SLC41A3: variants seen among roughly 807,000 people sequenced by gnomAD.
The protein encoded by SLC41A3 is solute carrier family 41 member 3, also known as SLC41A1-like 2.
A neutral mutation model predicts 45.4 loss-of-function variants in SLC41A3; 44 were observed. The ratio of observed to expected loss-of-function variants is 0.97; its 90% CI spans 0.76 to 1.25. The LOEUF (loss-of-function observed/expected upper bound fraction) is 1.25. Ranked by LOEUF, SLC41A3 falls within the 50% of genes most tolerant of loss-of-function variation. The pLI, the probability that SLC41A3 is intolerant of heterozygous loss-of-function variation, is 0.00. For synonymous variants in SLC41A3, 256 were observed against 252.4 expected, an observed-to-expected ratio of 1.01 and a Z score of -0.13; for missense variants, 550 against 600.6, an observed-to-expected ratio of 0.92 and a Z score of 0.88.
At chr3:126,047,603 T>C (rs952304092) in intron 3 of SLC41A3, among the ~76,000 whole-genome samples, 1 of 152,086 alleles carries the variant, frequency 6.6e-6, no homozygotes, top group African/African-American at 2.4e-5. Flanking sequence ...CCCTTAAATA[T>C]ATGGTCAAAT....
intron 3 of SLC41A3, among the ~76,000 whole-genome samples, chr3:126,044,316 A>G (rs984112540): frequency 2.0e-5 from 3 of 152,248 alleles, no homozygotes; most frequent in Non-Finnish European, 2.9e-5. Flanking sequence ...TGATGCAAAC[A>G]CTGACAGAAC....
chr3:126,042,759 T>C (rs942711181), intron 3 of SLC41A3, among the ~76,000 whole-genome samples: 2 of 152,058 alleles, frequency 1.3e-5, no homozygotes, highest in Admixed American at 6.6e-5. Context: ...AATAATTGAA[T>C]TGAAAAATTC....
chr3:126,029,366 T>TC (rs148425749), intron 4 of SLC41A3, among the ~76,000 whole-genome samples: 36,970 of 149,524 alleles, frequency 0.25, 4,684 homozygotes, highest in African/African-American at 0.31. Flanking sequence ...TATGTGGCAC[T>TC]CCCTCCCCCA....
intron 3 of SLC41A3, among the ~76,000 whole-genome samples, chr3:126,047,030 A>G (rs1176014678): frequency 1.3e-5 from 2 of 151,988 alleles, no homozygotes; most frequent in Non-Finnish European, 2.9e-5. Context: ...AATTTAATAC[A>G]ATCTCATCAA....
At chr3:126,037,188 C>T (rs1008067) in intron 3 of SLC41A3, among the ~76,000 whole-genome samples, 34,804 of 152,028 alleles carry the variant, frequency 0.23, 4,263 homozygotes, top group Non-Finnish European at 0.27. Context: ...GCACCTCCTT[C>T]CCTTCTCCTG....
chr3:126,049,103 T>C (rs1006548506), intron 3 of SLC41A3, among the ~76,000 whole-genome samples: 1 of 151,512 alleles, frequency 6.6e-6, no homozygotes, highest in Non-Finnish European at 1.5e-5. Context: ...GTTCAAGAAT[T>C]ACATTAATAG....
intron 5 of SLC41A3, chr3:126,025,759 C>T (rs1941286678): frequency 2.0e-5 from 3 of 152,956 alleles, no homozygotes; most frequent in Non-Finnish European, 2.9e-5. Context: ...CGCCCAACCT[C>T]GGGCTCCAGC....
Position 126,015,522 on chromosome 3 carries a change from G to A in SLC41A3, c.942C>T (p.Gly314=). ...ATATGACGGGGGTAAATATCGCCAT[G>A]CCTTTGTACTGCTGTTTAGAAACGG... The part of the protein sequence containing the change: ...SKTVSKQQYK[G]MAIFTPVICG... The change falls in exon 8 of 11, where the codon GGC becomes GGT. Residue 314 remains glycine, a synonymous_variant. Coordinates refer to ENST00000360370, the MANE Select transcript of SLC41A3 (RefSeq NM_017836.4). The A allele has an allele frequency of 6.2e-7, 1 of 1,614,204 alleles. No homozygotes were observed. The highest frequency in any genetic ancestry group is 8.5e-7 in the Non-Finnish European group (1 of 1,180,032).
At chr3:126,087,681 T>C (rs1469288445), upstream of SLC41A3, among the ~76,000 whole-genome samples, 1 of 151,946 alleles carries the variant, frequency 6.6e-6, no homozygotes, top group African/African-American at 2.4e-5. Flanking sequence ...ATTTTTGTCC[T>C]AAAATAAAAT....
intron 1 of SLC41A3, among the ~76,000 whole-genome samples, chr3:126,076,498 T>C (rs891549092): frequency 6.6e-6 from 1 of 152,224 alleles, no homozygotes; most frequent in Non-Finnish European, 1.5e-5. Flanking sequence ...TGAATATAAG[T>C]TTTCTGTTCT....
intron 8 of SLC41A3, among the ~76,000 whole-genome samples, chr3:126,013,596 G>A (rs1939949109): frequency 6.6e-6 from 1 of 151,792 alleles, no homozygotes; most frequent in South Asian, 2.1e-4. Context: ...GAAGGTGAGG[G>A]GAGGACAGAG....
chr3:126,012,488 G>T (rs1040494249), intron 9 of SLC41A3, 127 bp downstream of exon 9: 5 of 1,244,420 alleles, frequency 4.0e-6, no homozygotes, highest in Non-Finnish European at 5.7e-6. Context: ...GGGCCCTGAA[G>T]GTGATGTGTG....
upstream of SLC41A3, among the ~76,000 whole-genome samples, chr3:126,089,017 T>C (rs1386380557): frequency 6.6e-6 from 1 of 152,156 alleles, no homozygotes; most frequent in Non-Finnish European, 1.5e-5. Flanking sequence ...ACTGCCCAGC[T>C]CTCTGTATAA....
At chr3:126,020,686 T>C (rs1940768530) in intron 6 of SLC41A3, among the ~76,000 whole-genome samples, 1 of 152,184 alleles carries the variant, frequency 6.6e-6, no homozygotes, top group African/African-American at 2.4e-5. Flanking sequence ...CCAGCATTAA[T>C]ATCAATGCAG....
At chr3:126,068,356 A>G (rs1944458713) in intron 1 of SLC41A3, 110 bp from the exon 2 acceptor site, 4 of 1,006,210 alleles carry the variant, frequency 4.0e-6, no homozygotes, top group South Asian at 2.7e-5. Flanking sequence ...GTCCCATCCA[A>G]CCCACAGCCC....
At chr3:126,034,397 A>T (rs941229149) in intron 3 of SLC41A3, among the ~76,000 whole-genome samples, 2 of 152,270 alleles carry the variant, frequency 1.3e-5, no homozygotes, top group African/African-American at 2.4e-5. Flanking sequence ...TAGATTCCTT[A>T]AACTCAGTTC....
chr3:126,023,236 A>C, intron 5 of SLC41A3: 1 of 301,528 alleles, frequency 3.3e-6, no homozygotes, highest in Non-Finnish European at 6.2e-6. Context: ...ACCAGGAACC[A>C]CAGAGACAGG....
At chr3:126,035,459 C>T (rs1222325570) in intron 3 of SLC41A3, among the ~76,000 whole-genome samples, 1 of 152,174 alleles carries the variant, frequency 6.6e-6, no homozygotes. Flanking sequence ...ACACAGACCG[C>T]TACCTAAGAG....
chr3:126,043,216 A>T (rs1265511825), intron 3 of SLC41A3, among the ~76,000 whole-genome samples: 1 of 152,148 alleles, frequency 6.6e-6, no homozygotes, highest in African/African-American at 2.4e-5. Flanking sequence ...TTCTCAGCAT[A>T]AACTTGCAGT....
Sources: allele counts gnomAD v4.1 joint callset (sites outside exome capture counted in the v4.1 genomes callset), GRCh38; gene constraint gnomAD v4.1.1; transcripts MANE v1.5; gene names NCBI Gene and HGNC (gene_info 2026-07-23, HGNC 2026-07-21).